The following LDAH variants were observed in gnomAD, a reference collection of about 807,000 sequenced individuals.
LDAH encodes lipid droplet-associated hydrolase.
LDAH carries 26 observed loss-of-function variants against 29.6 expected under a neutral mutation model. The observed-to-expected ratio is 0.88, with a 90% CI of 0.64 to 1.22. The LOEUF is 1.22. Ranked by LOEUF, LDAH falls within the 50% of genes most tolerant of loss-of-function variation. The probability of loss-of-function intolerance (pLI) is 0.00; values close to 1 mark genes in which losing one functional copy is unlikely to be tolerated. For synonymous variants in LDAH, 117 were observed against 133.0 expected (o/e 0.88, Z 0.83); for missense variants, 344 against 387.3 (o/e 0.89, Z 0.94).
At chr2:20,710,617 T>TATATATATATATATATATATAGATAG (rs1558399179) in intron 5 of LDAH, among the ~76,000 whole-genome samples, 2 of 132,882 alleles carry the variant, frequency 1.5e-5, no homozygotes, top group African/African-American at 5.3e-5. Flanking sequence ...TATATATATA[T>TATATATATATATATATATATAGATAG]ATAGATATAT....
intron 5 of LDAH, among the ~76,000 whole-genome samples, chr2:20,718,682 G>A (rs986242923): frequency 6.6e-6 from 1 of 152,108 alleles, no homozygotes; most frequent in African/African-American, 2.4e-5. Context: ...AGACATTTAT[G>A]AGCATTTCAT....
chr2:20,773,324 AAAG>A (rs1281042504), intron 4 of LDAH, among the ~76,000 whole-genome samples: 1 of 151,852 alleles, frequency 6.6e-6, no homozygotes, highest in Non-Finnish European at 1.5e-5. Flanking sequence ...TAAAAAAAAA[AAAG>A]GACAATAAAT....
intron 1 of LDAH, among the ~76,000 whole-genome samples, chr2:20,802,360 C>A (rs1202486423): frequency 6.6e-6 from 1 of 151,906 alleles, no homozygotes; most frequent in Non-Finnish European, 1.5e-5. Flanking sequence ...ACATCCAGCC[C>A]CAATAAGCAT....
chr2:20,761,567 C>T (rs1253603429), intron 4 of LDAH, among the ~76,000 whole-genome samples: 2 of 151,954 alleles, frequency 1.3e-5, no homozygotes, highest in South Asian at 2.1e-4. Context: ...TATCTTGTAC[C>T]CAGAAGGACT....
At chr2:20,776,400 T>C (rs1290288468) in intron 3 of LDAH, among the ~76,000 whole-genome samples, 1 of 152,184 alleles carries the variant, frequency 6.6e-6, no homozygotes, top group Non-Finnish European at 1.5e-5. Context: ...TTTATCTCAC[T>C]ATACTACTCC....
intron 3 of LDAH, 95 bp downstream of exon 3, chr2:20,790,160 G>A (rs1408287263): frequency 4.6e-6 from 6 of 1,302,450 alleles, no homozygotes; most frequent in East Asian, 2.4e-5. Context: ...CACAAGCAGA[G>A]GTTTCCACTG....
chr2:20,790,468 A>G (rs1670871521), intron 2 of LDAH, 70 bp from the exon 3 acceptor site: 7 of 1,312,678 alleles, frequency 5.3e-6, no homozygotes, highest in Non-Finnish European at 7.5e-6. Flanking sequence ...CGCAGGCTAG[A>G]AAAGATGGGT....
intron 5 of LDAH, among the ~76,000 whole-genome samples, chr2:20,711,718 C>G (rs1278816693): frequency 1.3e-5 from 2 of 152,246 alleles, no homozygotes; most frequent in African/African-American, 4.8e-5. Flanking sequence ...TAGCTAATGG[C>G]CCACCAGAAG....
At position 20,685,685 on chromosome 2, in the gene LDAH, C is replaced by T; in HGVS notation, c.*1218G>A. The T allele has an allele frequency of 1.3e-6, 2 of 1,544,352 alleles. No individual in the cohort carries two copies. Among genetic ancestry groups the T allele is most frequent in the Non-Finnish European group, 8.7e-7 (1 of 1,144,954 alleles). ...AGGAGAAAAAGGAATATTTCTGATCCATGATCAACTGTCACTGCAGTATGT... is the reference window on the plus strand; with the variant it reads ...AGGAGAAAAAGGAATATTTCTGATCTATGATCAACTGTCACTGCAGTATGT... On this transcript the variant is annotated 3_prime_UTR_variant, in exon 7 of 7. Transcript: ENST00000237822.
chr2:20,810,540 G>A (rs1020391434), intron 1 of LDAH, among the ~76,000 whole-genome samples: 11 of 152,204 alleles, frequency 7.2e-5, no homozygotes, highest in African/African-American at 2.7e-4. Flanking sequence ...AAAAGAACAT[G>A]TGGTATGGGA....
At position 20,808,729 on chromosome 2, in the gene LDAH, T is replaced by C. The variant is rs142728327; in HGVS notation, c.-2-7264A>G. Among the ~76,000 whole-genome samples the C allele has an allele frequency of 1.1e-4, 16 of 150,336 alleles. No homozygotes were observed. The East Asian group carries it at 3.1e-3, about 29-fold the overall frequency. ...CACAAAGTTGGAGGACTTTACCCTA[T>C]ATCCAGGTTTAATAAAAATATACCA... On this transcript the variant is annotated intron_variant, in intron 1 of 6. Transcript: ENST00000237822.
chr2:20,690,446 T>TA (rs1467388458), intron 6 of LDAH, among the ~76,000 whole-genome samples: 1 of 152,238 alleles, frequency 6.6e-6, no homozygotes, highest in Non-Finnish European at 1.5e-5. Context: ...TGGGCTCACG[T>TA]TTTGTAAAAT....
At chr2:20,809,060 A>C in intron 1 of LDAH, among the ~76,000 whole-genome samples, 1 of 152,080 alleles carries the variant, frequency 6.6e-6, no homozygotes, top group Non-Finnish European at 1.5e-5. Context: ...AGGGTGGCCA[A>C]AGGTTTCGTA....
intron 1 of LDAH, among the ~76,000 whole-genome samples, chr2:20,807,766 T>C (rs1396915151): frequency 6.6e-6 from 1 of 151,890 alleles, no homozygotes; most frequent in Non-Finnish European, 1.5e-5. Context: ...GGTAAAATAT[T>C]GAAACCCTCT....
intron 5 of LDAH, among the ~76,000 whole-genome samples, chr2:20,719,976 A>G (rs943538272): frequency 2.0e-5 from 3 of 152,184 alleles, no homozygotes; most frequent in Non-Finnish European, 2.9e-5. Flanking sequence ...CCTCAATACC[A>G]TAAGGGCAAT....
intron 3 of LDAH, among the ~76,000 whole-genome samples, chr2:20,777,246 A>C (rs1558468748): frequency 6.6e-6 from 1 of 152,184 alleles, no homozygotes; most frequent in Non-Finnish European, 1.5e-5. Flanking sequence ...ACTTTAAAGG[A>C]CATTATAAAT....
At chr2:20,749,245 T>C (rs998682205) in intron 4 of LDAH, among the ~76,000 whole-genome samples, 1 of 152,148 alleles carries the variant, frequency 6.6e-6, no homozygotes, top group African/African-American at 2.4e-5. Context: ...AAATTTCTTC[T>C]CTATAAGGGT....
intron 1 of LDAH, among the ~76,000 whole-genome samples, chr2:20,813,928 A>G (rs1426471453): frequency 6.6e-6 from 1 of 152,130 alleles, no homozygotes; most frequent in African/African-American, 2.4e-5. Context: ...ATCAGTCTGT[A>G]AGAAAACTTT....
At chr2:20,729,122 T>A (rs753153471) in intron 5 of LDAH, among the ~76,000 whole-genome samples, 2 of 152,206 alleles carry the variant, frequency 1.3e-5, no homozygotes, top group Admixed American at 6.5e-5. Context: ...ATATGTCTTA[T>A]GCCTAAACTG....
Sources: gnomAD v4.1 joint callset for allele counts (sites outside exome capture counted in the v4.1 genomes callset) on GRCh38, gnomAD v4.1.1 for gene constraint, MANE v1.5 for transcripts, NCBI Gene and HGNC (gene_info 2026-07-23, HGNC 2026-07-21) for gene names.